Variants in MAGI1 observed in about 807,000 individuals in gnomAD.
MAGI1 encodes the protein membrane associated guanylate kinase, WW and PDZ domain containing 1.
MAGI1 carries 58 observed loss-of-function variants against 139.9 expected under a neutral mutation model. The observed-to-expected ratio is 0.41, with a 90% CI of 0.34 to 0.52. The LOEUF is 0.52. Among genes scored for constraint, MAGI1 ranks in the 20% least tolerant of loss-of-function variants. MAGI1 has a pLI of 0.12. For missense variants in MAGI1, 1,874 were observed against 1,901.6 expected (o/e 0.99, Z 0.27); for synonymous variants, 812 against 737.9 (o/e 1.10, Z -1.63).
chr3:65,749,049 T>C (rs1051040101), intron 1 of MAGI1, among the ~76,000 whole-genome samples: 12 of 152,082 alleles, frequency 7.9e-5, no homozygotes, highest in African/African-American at 2.2e-4. Context: ...GCTCAGGCAC[T>C]ACTATAAATG....
chr3:65,401,741 C>A, intron 12 of MAGI1: 1 of 1,448,290 alleles, frequency 6.9e-7, no homozygotes, highest in African/African-American at 1.4e-5. Context: ...AATTCACAGA[C>A]CTCAGCGGCC....
intron 1 of MAGI1, among the ~76,000 whole-genome samples, chr3:65,942,083 A>C (rs754521219): frequency 6.6e-6 from 1 of 152,136 alleles, no homozygotes; most frequent in Admixed American, 6.5e-5. Flanking sequence ...CACCATACCC[A>C]GCCTTAGCTT....
At chr3:65,833,961 AG>A (rs1321823938) in intron 1 of MAGI1, among the ~76,000 whole-genome samples, 2 of 152,208 alleles carry the variant, frequency 1.3e-5, no homozygotes, top group Admixed American at 6.5e-5. Context: ...ACACATGACT[AG>A]CTATGTAACA....
intron 1 of MAGI1, among the ~76,000 whole-genome samples, chr3:65,940,676 G>C (rs1449605948): frequency 6.6e-6 from 1 of 152,162 alleles, no homozygotes; most frequent in Non-Finnish European, 1.5e-5. Context: ...TTTCTACTGA[G>C]ATTGTTTCCT....
At chr3:65,418,635 T>A (rs907614317) in intron 12 of MAGI1, among the ~76,000 whole-genome samples, 1 of 152,152 alleles carries the variant, frequency 6.6e-6, no homozygotes, top group Admixed American at 6.5e-5. Context: ...ATTACTTTCT[T>A]CCTGTCTTTT....
chr3:65,532,244 A>G (rs2091244), intron 2 of MAGI1, among the ~76,000 whole-genome samples: 47,918 of 152,036 alleles, frequency 0.32, 8,798 homozygotes, highest in East Asian at 0.66. Context: ...GGCCTAAAAA[A>G]TTCTCTATGA....
intron 1 of MAGI1, among the ~76,000 whole-genome samples, chr3:65,830,545 C>T (rs2042467299): frequency 6.6e-6 from 1 of 152,188 alleles, no homozygotes. Flanking sequence ...TCAGTGGACA[C>T]TATTTCACAC....
chr3:65,959,011 C>A (rs115571851), intron 1 of MAGI1, among the ~76,000 whole-genome samples: 1,668 of 151,604 alleles, frequency 0.011, 25 homozygotes, highest in African/African-American at 0.019. Context: ...ACAAAAAAAA[C>A]CACATTTTGC....
chr3:65,486,561 G>T (rs886328690), intron 3 of MAGI1, among the ~76,000 whole-genome samples: 1 of 152,214 alleles, frequency 6.6e-6, no homozygotes, highest in African/African-American at 2.4e-5. Flanking sequence ...TAAGCTCAGT[G>T]CCACAATTAG....
intron 2 of MAGI1, among the ~76,000 whole-genome samples, chr3:65,563,320 T>C (rs1032318084): frequency 6.6e-6 from 1 of 152,194 alleles, no homozygotes; most frequent in Non-Finnish European, 1.5e-5. Flanking sequence ...AACATCAGTA[T>C]GCAACTGAAC....
rs1057051488 is a variant in MAGI1 at position 65,571,652 on chromosome 3, A to T, written c.430+50320T>A. On this transcript the variant is annotated intron_variant, in intron 2 of 22. Coordinates refer to ENST00000402939, the MANE Select transcript of MAGI1 (RefSeq NM_001033057.2). ...TAGGTCAAATAATACAGCAAAGGGC[A>T]ACTAGATTTCAAAAAGACATTTGGT... 7.9e-5 allele frequency among the ~76,000 whole-genome samples: 12 copies of T among 151,918 alleles called. No homozygotes were observed. The South Asian group carries it at 2.1e-3, about 26-fold the overall frequency.
At chr3:65,722,638 C>CA (rs970410346) in intron 1 of MAGI1, among the ~76,000 whole-genome samples, 2 of 152,186 alleles carry the variant, frequency 1.3e-5, no homozygotes, top group Admixed American at 1.3e-4. Flanking sequence ...GTCTCAAAAA[C>CA]AAAAAAATTA....
intron 1 of MAGI1, among the ~76,000 whole-genome samples, chr3:65,906,322 T>C (rs1184776082): frequency 6.6e-6 from 1 of 152,060 alleles, no homozygotes; most frequent in East Asian, 1.9e-4. Context: ...AAAGAGAGGT[T>C]AGGATGAGGC....
chr3:65,802,657 C>G (rs991219807), intron 1 of MAGI1, among the ~76,000 whole-genome samples: 5 of 152,122 alleles, frequency 3.3e-5, no homozygotes, highest in African/African-American at 9.7e-5. Context: ...TTTGTTCATT[C>G]CTGTAACATC....
intron 17 of MAGI1, 181 bp downstream of exon 17, chr3:65,379,080 A>C: frequency 1.5e-6 from 2 of 1,320,076 alleles, no homozygotes; most frequent in Non-Finnish European, 2.1e-6. Flanking sequence ...AAATATTCCC[A>C]ACCTTCAAAA....
Position 65,918,720 on chromosome 3 carries a change from G to A in MAGI1, c.313+119276C>T, listed in dbSNP as rs369973371. Reference sequence around the variant, plus strand: ...ACTGATTTCTTTTGCCAACAAATGAGTTGTTTTCATCCTATTGCTTGGTGA... The same window carrying A: ...ACTGATTTCTTTTGCCAACAAATGAATTGTTTTCATCCTATTGCTTGGTGA... On this transcript the variant is annotated intron_variant, in intron 1 of 22. Coordinates refer to ENST00000402939, the MANE Select transcript of MAGI1 (RefSeq NM_001033057.2). 4.6e-5 allele frequency among the ~76,000 whole-genome samples: 7 copies of A among 152,168 alleles called. No homozygotes were observed. In the East Asian group the frequency reaches 1.4e-3, roughly 29 times the overall value.
chr3:65,515,750 T>C (rs1011041980), intron 2 of MAGI1, among the ~76,000 whole-genome samples: 1 of 152,196 alleles, frequency 6.6e-6, no homozygotes, highest in Non-Finnish European at 1.5e-5. Flanking sequence ...CCATCAGAAT[T>C]GTCACTTGTC....
intron 1 of MAGI1, among the ~76,000 whole-genome samples, chr3:65,923,735 G>GC (rs1291662036): frequency 6.6e-6 from 1 of 152,152 alleles, no homozygotes; most frequent in African/African-American, 2.4e-5. Context: ...GATAAGGTTG[G>GC]CCAATCACAT....
At chr3:65,761,763 T>C (rs9311955) in intron 1 of MAGI1, among the ~76,000 whole-genome samples, 3,023 of 152,260 alleles carry the variant, frequency 0.02, 95 homozygotes, top group African/African-American at 0.069. Context: ...TAAAACTGAT[T>C]GTTTTTGCCT....
Sources: allele counts gnomAD v4.1 joint callset (sites outside exome capture counted in the v4.1 genomes callset), GRCh38; gene constraint gnomAD v4.1.1; transcripts MANE v1.5; gene names NCBI Gene and HGNC (gene_info 2026-07-23, HGNC 2026-07-21).